ETS2: variants seen among roughly 807,000 people sequenced by gnomAD.
The protein encoded by ETS2 is protein C-ets-2.
ETS2 carries 19 observed loss-of-function variants against 54.9 expected under a neutral mutation model. The ratio of observed to expected loss-of-function variants is 0.35; its 90% CI spans 0.24 to 0.51. ETS2 has a LOEUF of 0.51. ETS2 is among the 20% of genes least tolerant of loss of function. The pLI is 0.97. For synonymous variants in ETS2, 219 were observed against 229.3 expected (o/e 0.95, Z 0.41); for missense variants, 417 against 593.0 (o/e 0.70, Z 3.08).
At chr21:38,805,823 T>C, upstream of ETS2, 2 of 810,570 alleles carry the variant, frequency 2.5e-6, no homozygotes, top group Non-Finnish European at 3.3e-6. The surrounding 1 kb of genome is among the most constrained non-coding windows in gnomAD (Gnocchi z 5.2). Flanking sequence ...CTCTCTTCTC[T>C]CCTCCCTCGT....
At position 38,806,862 on chromosome 21, in the gene ETS2, T is replaced by A. The variant is rs2060895308; in HGVS notation, c.-1+742T>A. On this transcript the variant is annotated intron_variant, in intron 1 of 9. Transcript: ENST00000360938. This position sits in a 1 kb window ranked among gnomAD's most constrained non-coding sequence, Gnocchi z 4.3. ...GGGTTGCGTGTGTGTTATCCTATTT[T>A]ATTTTTTACGGCAGGAGACCTTTTA... The A allele has an allele frequency of 2.0e-6, 2 of 984,580 alleles. No individual in the cohort carries two copies. The highest frequency in any genetic ancestry group is 2.4e-6 in the Non-Finnish European group (2 of 829,226). The allele number at this position is 984,580 out of a possible 1,614,324, so 61.0% of individuals were successfully genotyped here.
rs943358816 is a variant in ETS2 at position 38,808,289 on chromosome 21, G to C, written c.1-1746G>C. Among the ~76,000 whole-genome samples, 3 of 152,146 alleles carry C rather than the reference G, an allele frequency of 2.0e-5. No homozygotes were observed. In the South Asian group the frequency reaches 6.2e-4, roughly 32 times the overall value. On this transcript the variant is annotated intron_variant, in intron 1 of 9. Coordinates refer to ENST00000360938, the MANE Select transcript of ETS2 (RefSeq NM_005239.6). ...GTAGGAGTGGATGGTCCCCCAGCACGGGGCTTAGCTCTTAGTAACTAGGCA... is the reference window on the plus strand; with the variant it reads ...GTAGGAGTGGATGGTCCCCCAGCACCGGGCTTAGCTCTTAGTAACTAGGCA...
At position 38,814,078 on chromosome 21, in the gene ETS2, G is replaced by A. The variant is rs2060923409; in HGVS notation, c.185-195G>A. 6.6e-6 allele frequency among the ~76,000 whole-genome samples: 1 copy of A among 152,172 alleles called. No homozygotes were observed. The highest frequency in any genetic ancestry group is 1.5e-5 in the Non-Finnish European group (1 of 68,024). The stretch of plus-strand genomic sequence containing the variant: ...GTTTTATTTTAGATTTTTTTAATAA[G>A]TATAGTTCTGAGATATATATTTTCT... On this transcript the variant is annotated intron_variant, in intron 3 of 9. Coordinates refer to ENST00000360938, the MANE Select transcript of ETS2 (RefSeq NM_005239.6). This position sits in a 1 kb window ranked among gnomAD's most constrained non-coding sequence, Gnocchi z 4.2.
rs377336189 is a variant in ETS2, at chr21:38,812,983, T to C, written c.73-20T>C. 1.2e-5 allele frequency: 18 copies of C among 1,546,724 alleles called. No individual in the cohort carries two copies. In the African/African-American group the frequency reaches 2.4e-4, roughly 21 times the overall value. The stretch of plus-strand genomic sequence containing the variant: ...AGTTTAAATATTGTATTTCCATTTT[T>C]TTTCCATCTGTTTTTGCAGCGCCAG... On this transcript the variant is annotated intron_variant, in intron 2 of 9. Transcript: ENST00000360938.
At chr21:38,805,472 G>C (rs1231921985), upstream of ETS2, 3 of 1,288,118 alleles carry the variant, frequency 2.3e-6, no homozygotes, top group Admixed American at 6.9e-5. The surrounding 1 kb of genome is among the most constrained non-coding windows in gnomAD (Gnocchi z 5.2). Context: ...TGGCCCCAGA[G>C]AGGACGCCGA....
chr21:38,809,102 A>G (rs73450552), intron 1 of ETS2, among the ~76,000 whole-genome samples: 18,075 of 152,282 alleles, frequency 0.12, 1,232 homozygotes, highest in African/African-American at 0.16. Flanking sequence ...TAAAAACAAT[A>G]AAGCCGGTGA....
chr21:38,820,460 A>G (rs1164332764), intron 8 of ETS2, among the ~76,000 whole-genome samples: 1 of 152,246 alleles, frequency 6.6e-6, no homozygotes, highest in Admixed American at 6.5e-5. Flanking sequence ...AGCCACGTAA[A>G]CGTATTAAAA....
chr21:38,814,833 C>G lies in ETS2; in HGVS notation c.357C>G (p.Thr119=), dbSNP rs768163024. ...TATGCCAGTGGCTTCTCTGGGCCACCAATGAGTTCAGTCTGGTGAACGTGA... is the reference window on the plus strand; with the variant it reads ...TATGCCAGTGGCTTCTCTGGGCCACGAATGAGTTCAGTCTGGTGAACGTGA... The part of the protein sequence containing the change: ...QQVCQWLLWA[T]NEFSLVNVNL... The change falls in exon 5 of 10, where the codon ACC becomes ACG. Residue 119 remains threonine (T), a synonymous_variant. Transcript: ENST00000360938. This position sits in a 1 kb window ranked among gnomAD's most constrained non-coding sequence, Gnocchi z 4.2. 3.2e-5 allele frequency: 51 copies of G among 1,614,050 alleles called. No homozygotes were observed. Among genetic ancestry groups the G allele is most frequent in the Non-Finnish European group, 4.2e-5 (49 of 1,180,044 alleles).
At chr21:38,809,703 C>G (rs1274316980) in intron 1 of ETS2, 1 of 248,826 alleles carries the variant, frequency 4.0e-6, no homozygotes, top group South Asian at 4.6e-5. Flanking sequence ...AATGAAAAGC[C>G]TGACCCAGGC....
Position 38,810,096 on chromosome 21 carries a change from G to T in ETS2, c.62G>T (p.Gly21Val). Residue 21 changes from glycine to valine, a missense_variant, in exon 2 of 10, where the codon GGG becomes GTG. By Grantham distance (109) the Gly-to-Val change is moderately radical. Transcript: ENST00000360938. ...QVAPVANSYR[G>V]TLKRQPAFDT... ...GCCCCTGTGGCTAACAGTTACAGAG[G>T]GACACTCAAGGTGAGTGGGCAAGTC... The T allele has an allele frequency of 6.5e-7, 1 of 1,541,684 alleles. No homozygotes were observed. Among genetic ancestry groups the T allele is most frequent in the Admixed American group, 2.3e-5 (1 of 44,096 alleles).
intron 6 of ETS2, among the ~76,000 whole-genome samples, chr21:38,817,775 T>G (rs1360464658): frequency 2.0e-5 from 3 of 152,046 alleles, no homozygotes; most frequent in Non-Finnish European, 4.4e-5. Flanking sequence ...GCTTGGGTGG[T>G]GTTGGTCCGG....
At position 38,823,120 on chromosome 21, in the gene ETS2, C is replaced by T. The variant is rs1174345060; in HGVS notation, c.*231C>T. On this transcript the variant is annotated 3_prime_UTR_variant, in exon 10 of 10. Transcript: ENST00000360938. ...CACAGTGCTTTTAAGTGAAAATGGT[C>T]GAGAAAGAGGCACCAGGAAGCCGTC... The T allele has an allele frequency of 7.9e-6, 3 of 381,164 alleles. No individual in the cohort carries two copies. The highest frequency in any genetic ancestry group is 1.4e-5 in the Non-Finnish European group (3 of 214,640). 23.6% of individuals were successfully genotyped at this position (381,164 alleles called of 1,614,324 possible).
At chr21:38,811,518 G>T (rs2060913805) in intron 2 of ETS2, among the ~76,000 whole-genome samples, 1 of 152,154 alleles carries the variant, frequency 6.6e-6, no homozygotes, top group African/African-American at 2.4e-5. Context: ...TTTTCTTATT[G>T]ATGACTCAAC....
At position 38,810,116 on chromosome 21, in the gene ETS2, C is replaced by T; in HGVS notation, c.72+10C>T. On this transcript the variant is annotated intron_variant, in intron 2 of 9. Transcript: ENST00000360938. ...CAGAGGGACACTCAAGGTGAGTGGG[C>T]AAGTCTTAATTTTTTTTTTTAATTG... The T allele has an allele frequency of 1.4e-6, 2 of 1,472,130 alleles. No homozygotes were observed. The highest frequency in any genetic ancestry group is 9.0e-7 in the Non-Finnish European group (1 of 1,105,272). 91.2% of individuals were successfully genotyped at this position (1,472,130 alleles called of 1,614,324 possible).
Position 38,818,590 on chromosome 21 carries a change from G to T in ETS2, c.755G>T (p.Cys252Phe). 1.2e-6 allele frequency: 2 copies of T among 1,614,112 alleles called. No homozygotes were observed. The highest frequency in any genetic ancestry group is 2.2e-5 in the South Asian group (2 of 91,074). The stretch of plus-strand genomic sequence containing the variant: ...CTCAGCTCCGTCAGCGTCACCTACT[G>T]CTCTGTCAGTCAGGACTTCCCAGGC... Reference protein sequence around the residue: ...SRLSSVSVTYCSVSQDFPGSN... With the variant: ...SRLSSVSVTYFSVSQDFPGSN... Residue 252 changes from cysteine (C) to phenylalanine (F), a missense_variant, in exon 7 of 10, where the codon TGC becomes TTC. Around this residue, in one of 3 missense-constraint regions of ETS2, gnomAD observed 326 missense variants for 426.1 expected, o/e 0.76. Transcript: ENST00000360938.
In ETS2 at chr21:38,823,472, T is replaced by C. The variant is rs2060966558; in HGVS notation, c.*583T>C. 6.6e-6 allele frequency: 1 copy of C among 152,508 alleles called. No individual in the cohort carries two copies. Among genetic ancestry groups the C allele is most frequent in the Non-Finnish European group, 1.5e-5 (1 of 68,050 alleles). 9.4% of individuals were successfully genotyped at this position (152,508 alleles called of 1,614,324 possible). On this transcript the variant is annotated 3_prime_UTR_variant, in exon 10 of 10. Coordinates refer to ENST00000360938, the MANE Select transcript of ETS2 (RefSeq NM_005239.6). ...ATAAGAATTCAGACATCTGAGGTTT[T>C]ATTTCATTTTTCAATAGCACATATG...
intron 1 of ETS2, among the ~76,000 whole-genome samples, chr21:38,808,590 A>ATGTGCG (rs1218101445): frequency 6.7e-6 from 1 of 148,234 alleles, no homozygotes; most frequent in African/African-American, 2.5e-5. Flanking sequence ...GTGTGTGTGT[A>ATGTGCG]TGTGTGTGTG....
Position 38,822,938 on chromosome 21 carries a change from G to A in ETS2, c.*49G>A. The A allele has an allele frequency of 7.0e-7, 1 of 1,420,104 alleles. No individual in the cohort carries two copies. The highest frequency in any genetic ancestry group is 9.4e-7 in the Non-Finnish European group (1 of 1,061,962). The allele number at this position is 1,420,104 out of a possible 1,614,324, so 88.0% of individuals were successfully genotyped here. A position where few individuals can be genotyped will look rare whatever the true frequency, so the allele number is the denominator to read the frequency against. ...GGCCCCAGGCTCGTGGACTGAGTGG[G>A]AAGCCCATCCTGACCAGCTGCTCCG... On this transcript the variant is annotated 3_prime_UTR_variant, in exon 10 of 10. Coordinates refer to ENST00000360938, the MANE Select transcript of ETS2 (RefSeq NM_005239.6).
intron 2 of ETS2, 150 bp from the exon 3 acceptor site, chr21:38,812,853 T>A: frequency 1.6e-6 from 1 of 616,138 alleles, no homozygotes; most frequent in Admixed American, 2.7e-5. Context: ...GAGTCTGTTT[T>A]AAGGACTGAC....
Sources: allele counts gnomAD v4.1 joint callset (sites outside exome capture counted in the v4.1 genomes callset), GRCh38; gene constraint gnomAD v4.1.1; regional missense constraint gnomAD v4.1.1; non-coding constraint Gnocchi (gnomAD v3.1); transcripts MANE v1.5; gene names NCBI Gene and HGNC (gene_info 2026-07-23, HGNC 2026-07-21).